Variants in ATM observed in about 807,000 individuals in gnomAD.
ATM encodes serine-protein kinase ATM.
Under a neutral mutation model 387.0 loss-of-function variants are expected in ATM, and 308 were observed. The observed-to-expected ratio is 0.80, with a 90% CI of 0.73 to 0.87. The LOEUF (loss-of-function observed/expected upper bound fraction) is 0.87. ATM is among the 40% of genes least tolerant of loss of function. The pLI is 0.00. For missense variants in ATM, 3,312 were observed against 3,560.9 expected, an observed-to-expected ratio of 0.93 and a Z score of 1.78; for synonymous variants, 1,156 against 1,187.3, an observed-to-expected ratio of 0.97 and a Z score of 0.54.
intron 25 of ATM, 103 bp downstream of exon 25, chr11:108,282,982 A>ATG (rs1491482091): frequency 1.9e-5 from 14 of 728,826 alleles, no homozygotes; most frequent in Non-Finnish European, 2.9e-5. Context: ...ACCCATACAC[A>ATG]TGTGTGTGTG....
intron 57 of ATM, among the ~76,000 whole-genome samples, 196 bp from the exon 58 acceptor site, chr11:108,345,547 A>G (rs533131058): frequency 1.3e-4 from 20 of 152,254 alleles, no homozygotes; most frequent in African/African-American, 4.6e-4. Context: ...CTCCCCCAAC[A>G]ATTAATATGG....
chr11:108,320,071 G>T lies in ATM; in HGVS notation c.6452+13G>T. ...TCAAATATGCCAGGTATTATGAAAA[G>T]ACAAAGTTACTGTATTTTAACATTT... On this transcript the variant is annotated intron_variant, in intron 44 of 62. Coordinates refer to ENST00000675843, the MANE Select transcript of ATM (RefSeq NM_000051.4). 1 of 1,539,416 alleles carries T rather than the reference G, an allele frequency of 6.5e-7. No homozygotes were observed. Among genetic ancestry groups the T allele is most frequent in the Non-Finnish European group, 9.0e-7 (1 of 1,112,556 alleles).
chr11:108,272,006 A>G (rs560435503), intron 20 of ATM, among the ~76,000 whole-genome samples: 41 of 152,200 alleles, frequency 2.7e-4, no homozygotes, highest in African/African-American at 9.4e-4. Context: ...CTGAGCAGCT[A>G]TGATTACAGG....
rs144750933 is a variant in ATM at position 108,313,239 on chromosome 11, C to A, written c.6006+741C>A. Among the ~76,000 whole-genome samples the A allele has an allele frequency of 6.0e-3, 918 of 152,178 alleles. 6 individuals carry two copies. The highest frequency in any genetic ancestry group is 0.011 in the East Asian group (55 of 5,180). On this transcript the variant is annotated intron_variant, in intron 40 of 62. Transcript: ENST00000675843. The stretch of plus-strand genomic sequence containing the variant: ...CTTTATTTTTTAATATGCTGTTCTC[C>A]CTCTGAACTATGTTCTGAACATTTT...
intron 7 of ATM, among the ~76,000 whole-genome samples, chr11:108,245,283 C>G (rs1591505714): frequency 6.6e-6 from 1 of 152,096 alleles, no homozygotes; most frequent in African/African-American, 2.4e-5. Context: ...AGACATTGTT[C>G]CCTCTAGGAG....
intron 37 of ATM, among the ~76,000 whole-genome samples, chr11:108,307,575 G>A (rs372725446): frequency 2.6e-5 from 4 of 152,164 alleles, no homozygotes; most frequent in Admixed American, 2.0e-4. Context: ...GCTAGTCAGT[G>A]AGTTCTGTGT....
chr11:108,249,994 A>G (rs1304366421), intron 9 of ATM, among the ~76,000 whole-genome samples: 1 of 152,128 alleles, frequency 6.6e-6, no homozygotes, highest in East Asian at 1.9e-4. Flanking sequence ...CATTCTAGAG[A>G]ATACACAGCA....
chr11:108,363,564 T>A (rs1168820439), intron 61 of ATM, among the ~76,000 whole-genome samples: 1 of 152,186 alleles, frequency 6.6e-6, no homozygotes, highest in Non-Finnish European at 1.5e-5. Flanking sequence ...AGGATAGTAT[T>A]GGCATCTACT....
In ATM at chr11:108,365,503, G is replaced by C. The variant is rs371767164; in HGVS notation, c.9166G>C (p.Val3056Leu). Residue 3056 changes from valine to leucine, a missense_variant, in exon 63 of 63, where the codon GTG (valine) becomes CTG (leucine). Val to Leu is a conservative substitution (Grantham distance 32). Transcript: ENST00000675843. The part of the protein sequence containing the change: ...SRLFPGWKAW[V>L] ...ACTTTTCCCAGGATGGAAAGCTTGG[G>C]TGTGATCTTCAGTATATGAATTACC... 1 of 1,614,072 alleles carries C rather than the reference G, an allele frequency of 6.2e-7. No individual in the cohort carries two copies. Among genetic ancestry groups the C allele is most frequent in the Non-Finnish European group, 8.5e-7 (1 of 1,179,982 alleles).
At chr11:108,295,426 A>G (rs929980643) in intron 32 of ATM, 6 of 253,412 alleles carry the variant, frequency 2.4e-5, no homozygotes, top group African/African-American at 4.6e-5. Flanking sequence ...TCCTGGGTAC[A>G]AGGAATTCTC....
At chr11:108,271,219 A>G (rs2135550551) in intron 19 of ATM, 32 bp from the exon 20 acceptor site, 1 of 1,612,604 alleles carries the variant, frequency 6.2e-7, no homozygotes, top group East Asian at 2.2e-5. Flanking sequence ...TTAAGCTTAT[A>G]AAGTTGAACT....
At chr11:108,287,537 T>G in intron 26 of ATM, 63 bp from the exon 27 acceptor site, 13 of 1,077,442 alleles carry the variant, frequency 1.2e-5, no homozygotes, top group Non-Finnish European at 1.5e-5. Context: ...ATATGCCTTT[T>G]GAGCTGTCTT....
Position 108,243,993 on chromosome 11 carries a change from A to G in ATM, c.537A>G (p.Ser179=). Residue 179 remains serine (S), a synonymous_variant, in exon 6 of 63, where the codon TCA becomes TCG. Transcript: ENST00000675843. ...SVYFRLYLKP[S]QDVHRVLVAR... The stretch of plus-strand genomic sequence containing the variant: ...ACTTCAGGCTCTATCTGAAACCTTC[A>G]CAAGATGTTCATAGAGTTTTAGTGG... The G allele has an allele frequency of 6.2e-7, 1 of 1,610,432 alleles. No homozygotes were observed. The highest frequency in any genetic ancestry group is 2.2e-5 in the East Asian group (1 of 44,758).
At position 108,325,242 on chromosome 11, in the gene ATM, TTACA is replaced by T. The variant is rs202074417; in HGVS notation, c.6573-65_6573-62del. 2,002 of 1,072,146 alleles carry T rather than the reference TTACA, an allele frequency of 1.9e-3. 43 individuals carry two copies. The African/African-American group carries it at 0.031, about 16-fold the overall frequency. 66.4% of individuals were successfully genotyped at this position (1,072,146 alleles called of 1,614,324 possible). On this transcript the variant is annotated intron_variant, in intron 45 of 62. Transcript: ENST00000675843. ...AATATTATATCGTAAGTTCCAGAAC[TTACA>T]TAGTTTTTTTTTTTTTTTTTTTCAT...
chr11:108,264,520 A>G (rs939855313), intron 16 of ATM, among the ~76,000 whole-genome samples: 2 of 152,070 alleles, frequency 1.3e-5, no homozygotes, highest in African/African-American at 2.4e-5. Flanking sequence ...CCCACAGCCA[A>G]TATCATACTG....
Position 108,289,799 on chromosome 11 carries a change from A to C in ATM, c.4434A>C (p.Gln1478His). The C allele has an allele frequency of 6.2e-7, 1 of 1,611,694 alleles. No individual in the cohort carries two copies. The highest frequency in any genetic ancestry group is 8.5e-7 in the Non-Finnish European group (1 of 1,179,008). The change falls in exon 29 of 63, where the codon CAA (glutamine) becomes CAC (histidine). Residue 1478 changes from glutamine (Q) to histidine (H), a missense_variant and splice_region_variant. Gln to His is a conservative substitution (Grantham distance 24). Around this residue, in one of 4 missense-constraint regions of ATM, gnomAD observed 1,791 missense variants for 1,804.5 expected, o/e 0.99. Transcript: ENST00000675843. ...ATACTTTGATTCACTATATCAACCA[A>C]AGGTAAATAACATATTTAGACCAAT... is the stretch of plus-strand genomic sequence containing the variant. Reference protein sequence around the residue: ...VIYTLIHYINQRPSCIMDVSL... With the variant: ...VIYTLIHYINHRPSCIMDVSL...
At chr11:108,362,462 G>T (rs954995076) in intron 61 of ATM, among the ~76,000 whole-genome samples, 1 of 151,308 alleles carries the variant, frequency 6.6e-6, no homozygotes, top group African/African-American at 2.4e-5. Context: ...TATAACCAAA[G>T]GACTATAAAT....
chr11:108,288,800 A>T (rs2082630657), intron 27 of ATM, among the ~76,000 whole-genome samples, 177 bp from the exon 28 acceptor site: 1 of 152,152 alleles, frequency 6.6e-6, no homozygotes, highest in African/African-American at 2.4e-5. Context: ...AATCTGATTT[A>T]TATATCTGGA....
intron 5 of ATM, among the ~76,000 whole-genome samples, chr11:108,237,100 C>G (rs1451529665): frequency 1.3e-5 from 2 of 152,084 alleles, no homozygotes; most frequent in Non-Finnish European, 2.9e-5. Context: ...AAAACTACTA[C>G]CTAATCAGTA....
Sources: gnomAD v4.1 joint callset for allele counts (sites outside exome capture counted in the v4.1 genomes callset) on GRCh38, gnomAD v4.1.1 for gene constraint, gnomAD v4.1.1 regional missense constraint, MANE v1.5 for transcripts, NCBI Gene and HGNC (gene_info 2026-07-23, HGNC 2026-07-21) for gene names.